The following GOLPH3L variants were observed in gnomAD, a reference collection of about 807,000 sequenced individuals.
GOLPH3L encodes the protein Golgi phosphoprotein 3-like.
GOLPH3L carries 22 observed loss-of-function variants against 30.3 expected under a neutral mutation model. That is an observed-to-expected ratio of 0.73 (90% confidence interval 0.52 to 1.04). The LOEUF (loss-of-function observed/expected upper bound fraction) is 1.04. Among genes scored for constraint, GOLPH3L ranks in the 50% least tolerant of loss-of-function variants. The pLI, the probability that GOLPH3L is intolerant of heterozygous loss-of-function variation, is 0.00. For synonymous variants in GOLPH3L, 120 were observed against 128.2 expected, an observed-to-expected ratio of 0.94 and a Z score of 0.43; for missense variants, 303 against 345.8, an observed-to-expected ratio of 0.88 and a Z score of 0.98.
chr1:150,656,172 T>C (rs1650236167), intron 4 of GOLPH3L, among the ~76,000 whole-genome samples: 1 of 152,212 alleles, frequency 6.6e-6, no homozygotes, highest in Admixed American at 6.5e-5. Context: ...TCCAATGTTA[T>C]GATCACTTGC....
At chr1:150,673,592 AAAGAAAACAG>A (rs1456004772) in intron 2 of GOLPH3L, among the ~76,000 whole-genome samples, 1 of 151,874 alleles carries the variant, frequency 6.6e-6, no homozygotes, top group Non-Finnish European at 1.5e-5. Flanking sequence ...ACAAAAAACA[AAAGAAAACAG>A]AAGAAAAGAG....
chr1:150,686,914 T>C (rs1485769339), intron 2 of GOLPH3L, among the ~76,000 whole-genome samples: 2 of 152,072 alleles, frequency 1.3e-5, no homozygotes. Flanking sequence ...AAATAGTTAT[T>C]TGGGGTTAAT....
chr1:150,672,706 C>G (rs1403848244), intron 2 of GOLPH3L, among the ~76,000 whole-genome samples: 1 of 152,174 alleles, frequency 6.6e-6, no homozygotes, highest in Non-Finnish European at 1.5e-5. Context: ...GCTGGGATTA[C>G]AGGTGTGAGC....
At chr1:150,660,543 A>G (rs1368325155) in intron 4 of GOLPH3L, among the ~76,000 whole-genome samples, 1 of 152,262 alleles carries the variant, frequency 6.6e-6, no homozygotes, top group Non-Finnish European at 1.5e-5. Flanking sequence ...AGTGTCCATC[A>G]ACAGATGAAT....
intron 2 of GOLPH3L, among the ~76,000 whole-genome samples, chr1:150,684,974 T>C (rs1408991951): frequency 6.6e-6 from 1 of 152,142 alleles, no homozygotes; most frequent in Non-Finnish European, 1.5e-5. Context: ...AGCGATAATA[T>C]GATAATTATA....
chr1:150,674,937 C>CTAGA (rs1364722235), intron 2 of GOLPH3L, among the ~76,000 whole-genome samples: 14 of 151,980 alleles, frequency 9.2e-5, no homozygotes, highest in Admixed American at 8.5e-4. Context: ...GTCATACAGG[C>CTAGA]TAGAGTACAG....
At chr1:150,679,435 A>T (rs1397433187) in intron 2 of GOLPH3L, among the ~76,000 whole-genome samples, 1 of 152,236 alleles carries the variant, frequency 6.6e-6, no homozygotes, top group Non-Finnish European at 1.5e-5. Context: ...GAAAGACCCC[A>T]AAACTTAATT....
At chr1:150,679,664 G>C (rs745937891) in intron 2 of GOLPH3L, among the ~76,000 whole-genome samples, 1 of 152,170 alleles carries the variant, frequency 6.6e-6, no homozygotes, top group Non-Finnish European at 1.5e-5. Flanking sequence ...GCCAGGCATG[G>C]CGGCATACGC....
chr1:150,694,719 G>A lies in GOLPH3L; in HGVS notation c.120C>T (p.Asp40=). The change falls in exon 2 of 5, where the codon GAC becomes GAT. Residue 40 remains aspartate (D), a synonymous_variant. Coordinates refer to ENST00000271732, the MANE Select transcript of GOLPH3L (RefSeq NM_018178.6). ...TAAGAGTAAGGCGGATATCCTTAGA[G>A]TCTCCAGAATCTTCATTGTCTGGAC... The part of the protein sequence containing the change: ...EKSPDNEDSG[D]SKDIRLTLME... The A allele has an allele frequency of 1.2e-6, 2 of 1,610,348 alleles. No homozygotes were observed. The highest frequency in any genetic ancestry group is 2.2e-5 in the East Asian group (1 of 44,838).
In GOLPH3L at chr1:150,663,767, G is replaced by A. The variant is rs758877395; in HGVS notation, c.184-4C>T. The stretch of plus-strand genomic sequence containing the variant: ...CATTCCAGAAAGATGTGTACCCCTA[G>A]GAAAGGAGAAAAGAGAAGAGAAAGA... On this transcript the variant is annotated splice_polypyrimidine_tract_variant and splice_region_variant and intron_variant, in intron 2 of 4. Transcript: ENST00000271732. The A allele has an allele frequency of 6.2e-7, 1 of 1,611,702 alleles. No individual in the cohort carries two copies. Among genetic ancestry groups the A allele is most frequent in the African/African-American group, 1.3e-5 (1 of 74,782 alleles).
At chr1:150,653,396 A>T (rs1253670936) in intron 4 of GOLPH3L, among the ~76,000 whole-genome samples, 1 of 150,460 alleles carries the variant, frequency 6.6e-6, no homozygotes. Context: ...GCCGGGTTCA[A>T]GTGATTCTCC....
chr1:150,663,200 A>G (rs936457860), intron 3 of GOLPH3L, among the ~76,000 whole-genome samples: 2 of 151,708 alleles, frequency 1.3e-5, no homozygotes, highest in Non-Finnish European at 2.9e-5. Flanking sequence ...ATGCCCCGCT[A>G]ATTTTTTTTT....
At chr1:150,650,292 T>C (rs944918205) in intron 4 of GOLPH3L, among the ~76,000 whole-genome samples, 8 of 127,764 alleles carry the variant, frequency 6.3e-5, no homozygotes, top group Admixed American at 1.7e-4. Flanking sequence ...GGCCAAAAGA[T>C]AAAAACAAGA....
intron 3 of GOLPH3L, among the ~76,000 whole-genome samples, chr1:150,663,179 C>T (rs959367852): frequency 1.3e-4 from 19 of 151,786 alleles, no homozygotes; most frequent in Admixed American, 9.9e-4. Context: ...TGACTACAGG[C>T]GCCCGCCACA....
intron 2 of GOLPH3L, among the ~76,000 whole-genome samples, chr1:150,669,005 C>T (rs1033613641): frequency 6.6e-6 from 1 of 152,088 alleles, no homozygotes; most frequent in Non-Finnish European, 1.5e-5. Flanking sequence ...TGATGAAGAT[C>T]AGGATAAAGA....
intron 2 of GOLPH3L, among the ~76,000 whole-genome samples, chr1:150,673,927 A>AG (rs1491323115): frequency 3.6e-5 from 2 of 55,790 alleles, no homozygotes; most frequent in Non-Finnish European, 1.2e-4. Flanking sequence ...TCCCATCTCC[A>AG]AAAAAAAAAA....
chr1:150,675,792 A>G (rs1650762314), intron 2 of GOLPH3L, among the ~76,000 whole-genome samples: 1 of 150,290 alleles, frequency 6.7e-6, no homozygotes, highest in South Asian at 2.1e-4. Context: ...AAAAAAAAAA[A>G]AAAAAAAAAA....
chr1:150,678,700 G>A (rs182731536), intron 2 of GOLPH3L, among the ~76,000 whole-genome samples: 22 of 152,246 alleles, frequency 1.4e-4, no homozygotes, highest in Admixed American at 5.2e-4. Context: ...GATGTTTGGC[G>A]GGGTGCGGTG....
intron 2 of GOLPH3L, among the ~76,000 whole-genome samples, chr1:150,673,113 G>C (rs372864322): frequency 3.3e-5 from 5 of 151,964 alleles, no homozygotes; most frequent in African/African-American, 1.2e-4. Context: ...TCCCATATAA[G>C]CTTTAAATCT....
Sources: gnomAD v4.1 joint callset for allele counts (sites outside exome capture counted in the v4.1 genomes callset) on GRCh38, gnomAD v4.1.1 for gene constraint, MANE v1.5 for transcripts, NCBI Gene and HGNC (gene_info 2026-07-23, HGNC 2026-07-21) for gene names.